ESF1: variants seen among roughly 807,000 people sequenced by gnomAD.
The protein encoded by ESF1 is ESF1 nucleolar pre-rRNA processing protein.
ESF1 carries 58 observed loss-of-function variants against 92.0 expected under a neutral mutation model. The observed-to-expected ratio is 0.63, with a 90% CI of 0.51 to 0.78. The LOEUF is 0.78. ESF1 is among the 30% of genes least tolerant of loss of function. ESF1 has a pLI of 0.00. For synonymous variants in ESF1, 321 were observed against 313.7 expected, an observed-to-expected ratio of 1.02 and a Z score of -0.24; for missense variants, 922 against 989.1, an observed-to-expected ratio of 0.93 and a Z score of 0.91.
At chr20:13,739,588 A>G (rs1444365443) in intron 9 of ESF1, among the ~76,000 whole-genome samples, 1 of 152,194 alleles carries the variant, frequency 6.6e-6, no homozygotes, top group Non-Finnish European at 1.5e-5. Flanking sequence ...GTTTACGGCA[A>G]AGAAGACTGA....
At chr20:13,726,416 T>C (rs754111848) in intron 11 of ESF1, among the ~76,000 whole-genome samples, 2 of 152,128 alleles carry the variant, frequency 1.3e-5, no homozygotes, top group South Asian at 4.1e-4. Flanking sequence ...CTTGGAGTCT[T>C]TCTACCCACT....
intron 8 of ESF1, among the ~76,000 whole-genome samples, chr20:13,761,537 G>C (rs1979202730): frequency 6.6e-6 from 1 of 152,036 alleles, no homozygotes; most frequent in Non-Finnish European, 1.5e-5. Context: ...AATTCGGTTT[G>C]CAGCTATTCA....
chr20:13,749,284 C>T (rs1330637140), intron 9 of ESF1, among the ~76,000 whole-genome samples: 1 of 128,308 alleles, frequency 7.8e-6, no homozygotes, highest in East Asian at 2.5e-4. Context: ...CAGGGTTTCA[C>T]CATGTTGTGA....
chr20:13,762,854 GTTTTTTT>G (rs33986564), intron 8 of ESF1: 7 of 186,832 alleles, frequency 3.7e-5, no homozygotes, highest in South Asian at 8.8e-5. Context: ...ATTTATTAAA[GTTTTTTT>G]TTTTTTTTTT....
chr20:13,753,183 C>T (rs993578508), intron 9 of ESF1, among the ~76,000 whole-genome samples: 2 of 151,926 alleles, frequency 1.3e-5, no homozygotes, highest in Non-Finnish European at 2.9e-5. Flanking sequence ...AAAACAATGC[C>T]GAACATCCTC....
chr20:13,777,322 C>T (rs1979989348), intron 2 of ESF1, among the ~76,000 whole-genome samples: 1 of 152,120 alleles, frequency 6.6e-6, no homozygotes, highest in South Asian at 2.1e-4. Flanking sequence ...GTCATAGCTT[C>T]TTAGCTTTCA....
At chr20:13,753,886 C>A (rs1033884909) in intron 9 of ESF1, among the ~76,000 whole-genome samples, 2 of 152,210 alleles carry the variant, frequency 1.3e-5, no homozygotes, top group Admixed American at 6.5e-5. Flanking sequence ...ATAACTTCCA[C>A]ATGCTTAGCA....
At chr20:13,715,251 G>T (rs765469127) in intron 13 of ESF1, 84 bp from the exon 14 acceptor site, 5 of 1,274,988 alleles carry the variant, frequency 3.9e-6, no homozygotes, top group African/African-American at 1.5e-5. Flanking sequence ...GCCAAATTTC[G>T]AAAGTTGGTG....
At chr20:13,734,069 T>C (rs371477789) in intron 9 of ESF1, among the ~76,000 whole-genome samples, 2 of 152,016 alleles carry the variant, frequency 1.3e-5, no homozygotes, top group African/African-American at 2.4e-5. Flanking sequence ...CCAAACAAAA[T>C]CAAAACAAAC....
intron 2 of ESF1, among the ~76,000 whole-genome samples, chr20:13,778,281 G>T (rs946555987): frequency 4.6e-5 from 7 of 151,990 alleles, no homozygotes; most frequent in African/African-American, 1.7e-4. Context: ...CAAAATGAAA[G>T]CATTGTCACA....
chr20:13,737,343 T>C (rs1019776165), intron 9 of ESF1, among the ~76,000 whole-genome samples: 6 of 152,148 alleles, frequency 3.9e-5, no homozygotes, highest in African/African-American at 1.4e-4. Flanking sequence ...TGCATACATA[T>C]AAAAATATTT....
chr20:13,756,701 T>C (rs1978912450), intron 9 of ESF1, among the ~76,000 whole-genome samples: 1 of 152,246 alleles, frequency 6.6e-6, no homozygotes. Flanking sequence ...CAGGTTGATC[T>C]ACAGCACATG....
intron 9 of ESF1, among the ~76,000 whole-genome samples, chr20:13,757,551 A>G (rs1978952810): frequency 6.6e-6 from 1 of 152,156 alleles, no homozygotes; most frequent in South Asian, 2.1e-4. Context: ...GGCGTGTGCC[A>G]CCATGCCCAG....
intron 1 of ESF1, 90 bp downstream of exon 1, chr20:13,784,790 T>C (rs1980588658): frequency 5.9e-6 from 3 of 507,288 alleles, no homozygotes; most frequent in South Asian, 2.2e-5. Context: ...AGAGATCCTG[T>C]TAGAGACTAG....
At chr20:13,784,849 A>G in intron 1 of ESF1, 31 bp downstream of exon 1, 1 of 589,288 alleles carries the variant, frequency 1.7e-6, no homozygotes, top group Non-Finnish European at 3.0e-6. Context: ...CTTCATCTCG[A>G]GCTCTTCAAC....
chr20:13,717,943 A>G (rs4813137), intron 12 of ESF1, among the ~76,000 whole-genome samples: 136,541 of 151,162 alleles, frequency 0.9, 61,744 homozygotes, highest in East Asian at 1. Context: ...TTAACAAGTA[A>G]GTTTTTTTTT....
intron 9 of ESF1, among the ~76,000 whole-genome samples, chr20:13,748,566 G>T (rs59465604): frequency 2.3e-5 from 1 of 43,264 alleles, no homozygotes. Context: ...ATATATATAT[G>T]TGTGTGTGTA....
intron 9 of ESF1, among the ~76,000 whole-genome samples, chr20:13,748,961 CCT>C (rs1321927515): frequency 5.3e-5 from 8 of 152,066 alleles, no homozygotes; most frequent in African/African-American, 1.2e-4. Context: ...TTAAAATTCC[CCT>C]GTTTACAGCA....
intron 2 of ESF1, among the ~76,000 whole-genome samples, chr20:13,777,521 T>C (rs748232360): frequency 6.6e-6 from 1 of 152,220 alleles, no homozygotes; most frequent in African/African-American, 2.4e-5. Context: ...GATCAGTGAC[T>C]CATTCATACG....
Sources: allele counts gnomAD v4.1 joint callset (sites outside exome capture counted in the v4.1 genomes callset), GRCh38; gene constraint gnomAD v4.1.1; transcripts MANE v1.5; gene names NCBI Gene and HGNC (gene_info 2026-07-23, HGNC 2026-07-21).